Variants in ESR1 observed in about 807,000 individuals in gnomAD.
The protein encoded by ESR1 is estrogen receptor 1.
A neutral mutation model predicts 52.7 loss-of-function variants in ESR1; 12 were observed. The observed-to-expected ratio is 0.23, with a 90% CI of 0.15 to 0.37. The LOEUF is 0.37. Among genes scored for constraint, ESR1 ranks in the 10% least tolerant of loss-of-function variants. The probability of loss-of-function intolerance (pLI) is 1.00; values close to 1 mark genes in which losing one functional copy is unlikely to be tolerated. For missense variants in ESR1, 584 were observed against 779.7 expected (o/e 0.75, Z 2.99); for synonymous variants, 305 against 316.8 (o/e 0.96, Z 0.39).
At chr6:151,742,983 C>T (rs1783208097) in intron 2 of ESR1, among the ~76,000 whole-genome samples, 1 of 152,188 alleles carries the variant, frequency 6.6e-6, no homozygotes, top group African/African-American at 2.4e-5. Context: ...CTGCCTCTTT[C>T]AGAATCATTT....
At chr6:151,958,146 TG>T (rs1396490678) in intron 4 of ESR1, among the ~76,000 whole-genome samples, 1 of 152,252 alleles carries the variant, frequency 6.6e-6, no homozygotes, top group Non-Finnish European at 1.5e-5. Flanking sequence ...AATGGATATT[TG>T]GTGGGCAAAT....
At chr6:151,977,771 G>A (rs895530624) in intron 4 of ESR1, among the ~76,000 whole-genome samples, 1 of 151,788 alleles carries the variant, frequency 6.6e-6, no homozygotes, top group Non-Finnish European at 1.5e-5. Flanking sequence ...TTCTAGCCTG[G>A]GCAACAGAGT....
chr6:151,780,203 G>T (rs142394178), intron 2 of ESR1, among the ~76,000 whole-genome samples: 103 of 152,048 alleles, frequency 6.8e-4, no homozygotes, highest in African/African-American at 2.4e-3. Flanking sequence ...ACCAGGGCCT[G>T]TCGGGGGGTT....
At chr6:151,933,624 G>A (rs370873299) in intron 3 of ESR1, among the ~76,000 whole-genome samples, 7 of 152,074 alleles carry the variant, frequency 4.6e-5, no homozygotes, top group South Asian at 2.1e-4. Context: ...TTTGACATAC[G>A]TCCCATCAAT....
intron 3 of ESR1, among the ~76,000 whole-genome samples, chr6:151,933,504 G>A (rs370178065): frequency 7.3e-4 from 110 of 151,054 alleles, no homozygotes; most frequent in African/African-American, 2.1e-3. Flanking sequence ...GAATAGGAGC[G>A]GTGAGAGAGG....
intron 3 of ESR1, among the ~76,000 whole-genome samples, chr6:151,887,492 C>T (rs942433301): frequency 1.3e-5 from 2 of 151,964 alleles, no homozygotes; most frequent in Non-Finnish European, 2.9e-5. Context: ...CTCTGGTTTC[C>T]ACAAGCAGAA....
chr6:152,018,037 T>C (rs2038505852), intron 5 of ESR1, among the ~76,000 whole-genome samples: 1 of 152,128 alleles, frequency 6.6e-6, no homozygotes, highest in Non-Finnish European at 1.5e-5. Context: ...TCTAGTTCTT[T>C]CCATCACTCC....
intron 1 of ESR1, among the ~76,000 whole-genome samples, chr6:151,656,975 T>A (rs1229362178): frequency 6.6e-6 from 1 of 152,174 alleles, no homozygotes; most frequent in Non-Finnish European, 1.5e-5. Flanking sequence ...ACTTCATACA[T>A]GGTGTGGAGG....
chr6:151,676,937 T>C (rs1341126587), intron 1 of ESR1, among the ~76,000 whole-genome samples: 1 of 152,210 alleles, frequency 6.6e-6, no homozygotes, highest in Non-Finnish European at 1.5e-5. Context: ...AGTTTGGAGA[T>C]GGAGACAGAG....
At chr6:151,801,101 A>C (rs2128142182), upstream of ESR1, among the ~76,000 whole-genome samples, 1 of 147,526 alleles carries the variant, frequency 6.8e-6, no homozygotes, top group South Asian at 2.2e-4. Context: ...TCTTAACATT[A>C]GATAGGACTA....
chr6:151,796,849 T>C (rs1776759240), intron 2 of ESR1, among the ~76,000 whole-genome samples: 1 of 152,184 alleles, frequency 6.6e-6, no homozygotes, highest in Non-Finnish European at 1.5e-5. Context: ...CACATAGCAG[T>C]AGTTTGGAGT....
At chr6:151,971,717 A>T (rs9340927) in intron 4 of ESR1, among the ~76,000 whole-genome samples, 1,640 of 152,274 alleles carry the variant, frequency 0.011, 45 homozygotes, top group African/African-American at 0.038. Flanking sequence ...AAAGAGCACA[A>T]ATAGGCAATC....
intron 3 of ESR1, among the ~76,000 whole-genome samples, chr6:151,903,347 C>T (rs987981290): frequency 4.6e-5 from 7 of 152,190 alleles, no homozygotes; most frequent in South Asian, 2.1e-4. Flanking sequence ...ACCCTGCCAG[C>T]TTGAGGGCAA....
intron 1 of ESR1, among the ~76,000 whole-genome samples, chr6:151,659,808 G>A (rs1460999997): frequency 6.6e-6 from 1 of 152,188 alleles, no homozygotes; most frequent in Non-Finnish European, 1.5e-5. Flanking sequence ...TCATTCAAAT[G>A]TTTATCCCTA....
At chr6:151,792,632 G>A (rs1434916840) in intron 2 of ESR1, among the ~76,000 whole-genome samples, 8 of 151,946 alleles carry the variant, frequency 5.3e-5, no homozygotes, top group Admixed American at 3.9e-4. Context: ...TAGCGACTGG[G>A]TTCTGCTATG....
In ESR1 at chr6:151,658,070, T is replaced by G. The variant is rs570904932; in HGVS notation, n.73+1307T>G. Among the ~76,000 whole-genome samples the G allele has an allele frequency of 2.6e-5, 4 of 152,334 alleles. No homozygotes were observed. In the South Asian group the frequency reaches 8.3e-4, roughly 32 times the overall value. On this transcript the variant is annotated intron_variant and non_coding_transcript_variant, in intron 1 of 2. Transcript: ENST00000473497. ...TTTTATGCTATGCCTTACTCTCCAATTAGATTTTAGCCATCCAAGAAAGGT... is the reference window on the plus strand; with the variant it reads ...TTTTATGCTATGCCTTACTCTCCAAGTAGATTTTAGCCATCCAAGAAAGGT...
intron 6 of ESR1, among the ~76,000 whole-genome samples, chr6:152,074,734 A>C (rs946095405): frequency 6.6e-6 from 1 of 152,228 alleles, no homozygotes; most frequent in African/African-American, 2.4e-5. Flanking sequence ...CTGTTGCTCC[A>C]CATCCTCATC....
chr6:151,856,472 T>A (rs1039619945), intron 2 of ESR1, among the ~76,000 whole-genome samples: 1 of 152,206 alleles, frequency 6.6e-6, no homozygotes, highest in Non-Finnish European at 1.5e-5. Context: ...TTCCACAACA[T>A]GAACAATTAG....
intron 1 of ESR1, among the ~76,000 whole-genome samples, chr6:151,817,378 G>A (rs556133471): frequency 4.6e-4 from 70 of 152,260 alleles, no homozygotes; most frequent in African/African-American, 1.7e-3. Flanking sequence ...AAGTCTTCAG[G>A]ATGGAGACAT....
Sources: allele counts gnomAD v4.1 joint callset (sites outside exome capture counted in the v4.1 genomes callset), GRCh38; gene constraint gnomAD v4.1.1; transcripts MANE v1.5; gene names NCBI Gene and HGNC (gene_info 2026-07-23, HGNC 2026-07-21).